Variants in DLGAP1 observed in about 807,000 individuals in gnomAD.
The protein encoded by DLGAP1 is DLG associated protein 1.
In DLGAP1, 11 loss-of-function variants were observed where a neutral mutation model predicts 90.8. The observed-to-expected ratio is 0.12, with a 90% CI of 0.08 to 0.20. The LOEUF (loss-of-function observed/expected upper bound fraction) is 0.20. Ranked by LOEUF, DLGAP1 falls within the 10% of genes least tolerant of loss-of-function variation. DLGAP1 has a pLI of 1.00. For missense variants in DLGAP1, 1,050 were observed against 1,333.8 expected (o/e 0.79, Z 3.31); for synonymous variants, 558 against 540.7 (o/e 1.03, Z -0.44).
chr18:3,634,306 A>G (rs959838774), intron 7 of DLGAP1, among the ~76,000 whole-genome samples: 1 of 152,170 alleles, frequency 6.6e-6, no homozygotes, highest in Non-Finnish European at 1.5e-5. Flanking sequence ...TATAATACAT[A>G]ATGTTTTATT....
intron 1 of DLGAP1, among the ~76,000 whole-genome samples, chr18:4,179,959 T>C (rs1158433172): frequency 1.3e-5 from 2 of 152,170 alleles, no homozygotes; most frequent in African/African-American, 4.8e-5. Flanking sequence ...GTCATTTATA[T>C]TGCCCTGGAT....
intron 5 of DLGAP1, among the ~76,000 whole-genome samples, chr18:3,745,955 C>T (rs985241528): frequency 6.6e-6 from 1 of 152,154 alleles, no homozygotes; most frequent in Non-Finnish European, 1.5e-5. Flanking sequence ...TCCCCAAGTG[C>T]TGGGATTACA....
At chr18:4,082,829 T>C (rs2075631094) in intron 2 of DLGAP1, among the ~76,000 whole-genome samples, 1 of 152,092 alleles carries the variant, frequency 6.6e-6, no homozygotes, top group African/African-American at 2.4e-5. Context: ...TTGCTAAGGC[T>C]GGCTTCATTG....
At chr18:3,586,939 G>A (rs1599382294) in intron 7 of DLGAP1, among the ~76,000 whole-genome samples, 1 of 152,270 alleles carries the variant, frequency 6.6e-6, no homozygotes, top group East Asian at 1.9e-4. Flanking sequence ...GAAGGAGGGT[G>A]AAACACCAGC....
At chr18:4,346,255 A>AT (rs979798640) in intron 1 of DLGAP1, among the ~76,000 whole-genome samples, 6 of 151,628 alleles carry the variant, frequency 4.0e-5, no homozygotes, top group African/African-American at 9.7e-5. Flanking sequence ...AGGACATCAG[A>AT]TTTTTTTTTA....
At chr18:3,990,113 C>A (rs1259800981) in intron 3 of DLGAP1, among the ~76,000 whole-genome samples, 1 of 152,128 alleles carries the variant, frequency 6.6e-6, no homozygotes, top group Non-Finnish European at 1.5e-5. Context: ...TACCATTTGA[C>A]CCAGCCATCC....
chr18:4,027,758 CAG>C (rs1225227655), intron 2 of DLGAP1, among the ~76,000 whole-genome samples: 1 of 152,020 alleles, frequency 6.6e-6, no homozygotes, highest in Non-Finnish European at 1.5e-5. Context: ...GTTGCAAAAA[CAG>C]AGAGATAGCA....
chr18:3,520,787 T>G (rs559874163), intron 10 of DLGAP1, among the ~76,000 whole-genome samples: 2 of 152,310 alleles, frequency 1.3e-5, no homozygotes, highest in African/African-American at 4.8e-5. Context: ...TCCCTTTAAA[T>G]CCCCATTCTC....
intron 5 of DLGAP1, among the ~76,000 whole-genome samples, 171 bp downstream of exon 5, chr18:3,813,888 T>C (rs1188520381): frequency 1.3e-5 from 2 of 152,130 alleles, no homozygotes; most frequent in African/African-American, 4.8e-5. Context: ...GTTGCCTCTC[T>C]CTACAAAGGG....
intron 1 of DLGAP1, among the ~76,000 whole-genome samples, chr18:4,195,557 TA>T (rs1448237709): frequency 1.3e-5 from 2 of 152,030 alleles, no homozygotes; most frequent in Non-Finnish European, 2.9e-5. Flanking sequence ...TTTATCTATT[TA>T]TTTTTTTTTT....
chr18:3,892,381 T>C (rs867680078), intron 3 of DLGAP1, among the ~76,000 whole-genome samples: 14 of 152,134 alleles, frequency 9.2e-5, no homozygotes, highest in African/African-American at 2.9e-4. Flanking sequence ...TCAGCTCCAG[T>C]GACACTGGGC....
intron 3 of DLGAP1, chr18:3,983,869 C>CT (rs1420806556): frequency 6.6e-6 from 1 of 152,124 alleles, no homozygotes; most frequent in African/African-American, 2.4e-5. Context: ...AGTTCTTAGA[C>CT]AACACCCCTA....
intron 7 of DLGAP1, among the ~76,000 whole-genome samples, chr18:3,657,832 C>A (rs2059554201): frequency 6.6e-6 from 1 of 151,918 alleles, no homozygotes; most frequent in South Asian, 2.1e-4. Context: ...TCTCGATCTC[C>A]TGACCTCGTG....
At chr18:3,555,935 G>T (rs1419067327) in intron 9 of DLGAP1, among the ~76,000 whole-genome samples, 1 of 152,066 alleles carries the variant, frequency 6.6e-6, no homozygotes, top group Non-Finnish European at 1.5e-5. Flanking sequence ...TGAAGAAAAG[G>T]CAGCATAATT....
chr18:4,182,811 T>C (rs961611045), intron 1 of DLGAP1, among the ~76,000 whole-genome samples: 2 of 152,162 alleles, frequency 1.3e-5, no homozygotes, highest in Non-Finnish European at 2.9e-5. Flanking sequence ...TGCTGGACCA[T>C]GGACAGGTAG....
At chr18:4,053,777 T>G (rs2075172101) in intron 2 of DLGAP1, among the ~76,000 whole-genome samples, 1 of 152,206 alleles carries the variant, frequency 6.6e-6, no homozygotes, top group Admixed American at 6.5e-5. Context: ...CTCAGGTAGT[T>G]CTTTATACCA....
intron 2 of DLGAP1, among the ~76,000 whole-genome samples, chr18:4,083,329 T>C (rs9955337): frequency 0.59 from 89,213 of 151,934 alleles, 26,915 homozygotes; most frequent in Non-Finnish European, 0.64. Context: ...CACTTCTACT[T>C]CATTCTCATC....
intron 5 of DLGAP1, among the ~76,000 whole-genome samples, chr18:3,768,139 TTG>T (rs2064342072): frequency 2.0e-5 from 3 of 152,268 alleles, no homozygotes; most frequent in Non-Finnish European, 4.4e-5. Flanking sequence ...CAAAAATCAG[TTG>T]TATTTCTCTA....
intron 4 of DLGAP1, among the ~76,000 whole-genome samples, chr18:3,847,373 T>A (rs2069077046): frequency 6.6e-6 from 1 of 152,110 alleles, no homozygotes; most frequent in Non-Finnish European, 1.5e-5. Context: ...TGCAGACGTA[T>A]CTCAAGAACC....
Sources: gnomAD v4.1 joint callset for allele counts (sites outside exome capture counted in the v4.1 genomes callset) on GRCh38, gnomAD v4.1.1 for gene constraint, MANE v1.5 for transcripts, NCBI Gene and HGNC (gene_info 2026-07-23, HGNC 2026-07-21) for gene names.